NAA15: variants seen among roughly 807,000 people sequenced by gnomAD.
NAA15 encodes the protein N-terminal acetyltransferase.
In NAA15, 34 loss-of-function variants were observed where a neutral mutation model predicts 114.0. That is an observed-to-expected ratio of 0.30 (90% CI 0.23 to 0.40). The LOEUF (loss-of-function observed/expected upper bound fraction) is 0.40, where lower values mean the gene tolerates loss of function less well. Ranked by LOEUF, NAA15 falls within the 10% of genes least tolerant of loss-of-function variation. The pLI is 1.00. For synonymous variants in NAA15, 340 were observed against 338.0 expected (o/e 1.01, Z -0.06); for missense variants, 658 against 1,004.5 (o/e 0.66, Z 4.66).
chr4:139,301,698 A>C lies in NAA15; in HGVS notation c.-80A>C. 1 of 1,491,024 alleles carries C rather than the reference A, an allele frequency of 6.7e-7. No individual in the cohort carries two copies. The highest frequency in any genetic ancestry group is 9.1e-7 in the Non-Finnish European group (1 of 1,100,818). The allele number at this position is 1,491,024 out of a possible 1,614,324, so 92.4% of individuals were successfully genotyped here. ...CGAGATATTCAAGGCTGAAGCAGCT[A>C]CGGAACGGCAGCGGCGGCGGTCGGA... On this transcript the variant is annotated 5_prime_UTR_variant, in exon 1 of 20. Coordinates refer to ENST00000296543, the MANE Select transcript of NAA15 (RefSeq NM_057175.5).
intron 1 of NAA15, among the ~76,000 whole-genome samples, chr4:139,319,610 T>A (rs549122906): frequency 6.6e-6 from 1 of 151,850 alleles, no homozygotes; most frequent in African/African-American, 2.4e-5. Context: ...GAATTGTGTA[T>A]TTTTAGTAGA....
intron 11 of NAA15, 60 bp downstream of exon 11, chr4:139,357,615 C>T (rs1006338633): frequency 4.5e-6 from 5 of 1,121,392 alleles, no homozygotes; most frequent in Non-Finnish European, 5.1e-6. Context: ...AACTTTTTCT[C>T]TGTATTTTAT....
chr4:139,354,803 A>G (rs920185400), intron 10 of NAA15, among the ~76,000 whole-genome samples: 1 of 152,170 alleles, frequency 6.6e-6, no homozygotes, highest in Non-Finnish European at 1.5e-5. Context: ...CATTTTATCC[A>G]TGGATATTTC....
At chr4:139,318,424 A>T (rs1420915904) in intron 1 of NAA15, 1 of 152,192 alleles carries the variant, frequency 6.6e-6, no homozygotes, top group Non-Finnish European at 1.5e-5. Context: ...AATACAAAGA[A>T]GATTATTAGC....
intron 1 of NAA15, among the ~76,000 whole-genome samples, chr4:139,314,995 G>T (rs140196316): frequency 0.032 from 1,947 of 61,222 alleles, 118 homozygotes; most frequent in Middle Eastern, 0.037. Flanking sequence ...GTTCAGTTCA[G>T]TTCAGTTTAG....
Position 139,387,885 on chromosome 4 carries a change from C to T in NAA15, c.2402C>T (p.Thr801Ile), listed in dbSNP as rs1034838798. 6 of 1,612,350 alleles carry T rather than the reference C, an allele frequency of 3.7e-6. No individual in the cohort carries two copies. The highest frequency in any genetic ancestry group is 5.1e-6 in the Non-Finnish European group (6 of 1,179,340). ...ACATGACTTTTTTTCTTTCCTTAGA[C>T]ATGTATGGAGGTATTGGAAGCCTTG... ...DESLTNRNLQ[T>I]CMEVLEALYD... The change falls in exon 20 of 20, where the codon ACA (threonine) becomes ATA (isoleucine). Residue 801 changes from threonine (T) to isoleucine (I), a missense_variant and splice_region_variant. By Grantham distance (89) the Thr-to-Ile change is moderately conservative. This residue lies in a region of NAA15 where 275 missense variants were observed against 371.1 expected (regional missense o/e 0.74). Transcript: ENST00000296543.
rs1167763468 is a variant in NAA15, at chr4:139,391,305, T to A, written c.*3221T>A. ...ACGAAATGGCTGTGTTACACCATAG[T>A]GAGCAGAAACTTAAATTTTGTTCTA... On this transcript the variant is annotated 3_prime_UTR_variant, in exon 20 of 20. Coordinates refer to ENST00000296543, the MANE Select transcript of NAA15 (RefSeq NM_057175.5). The A allele has an allele frequency of 6.6e-6, 1 of 152,220 alleles. No homozygotes were observed. The highest frequency in any genetic ancestry group is 2.4e-5 in the African/African-American group (1 of 41,452). The allele number at this position is 152,220 out of a possible 1,614,324, so 9.4% of individuals were successfully genotyped here. A position where few individuals can be genotyped will look rare whatever the true frequency, so the allele number is the denominator to read the frequency against.
In NAA15 at chr4:139,370,254, A is replaced by C; in HGVS notation, c.1797A>C (p.Gln599His). 1 of 1,574,738 alleles carries C rather than the reference A, an allele frequency of 6.4e-7. No individual in the cohort carries two copies. Among genetic ancestry groups the C allele is most frequent in the South Asian group, 1.2e-5 (1 of 82,806 alleles). ...DKELKKLRNKQRRAQKKAQIE... is the reference protein window; with the variant it reads ...DKELKKLRNKHRRAQKKAQIE... ...AGCTAAAGAAGCTACGTAATAAACAAAGAAGAGCTCAAAAGAAAGCCCAGA... is the reference window on the plus strand; with the variant it reads ...AGCTAAAGAAGCTACGTAATAAACACAGAAGAGCTCAAAAGAAAGCCCAGA... Residue 599 changes from glutamine to histidine, a missense_variant, in exon 15 of 20, where the codon CAA becomes CAC. Coordinates refer to ENST00000296543, the MANE Select transcript of NAA15 (RefSeq NM_057175.5).
chr4:139,366,175 T>C (rs1280487512), intron 14 of NAA15, among the ~76,000 whole-genome samples: 1 of 152,172 alleles, frequency 6.6e-6, no homozygotes, highest in Non-Finnish European at 1.5e-5. Context: ...AACCCTTTTT[T>C]TGGGTCAGGA....
At position 139,341,036 on chromosome 4, in the gene NAA15, A is replaced by G. The variant is rs371985606; in HGVS notation, c.369A>G (p.Leu123=). The change falls in exon 4 of 20, where the codon CTA becomes CTG. Residue 123 remains leucine (L), a synonymous_variant. Coordinates refer to ENST00000296543, the MANE Select transcript of NAA15 (RefSeq NM_057175.5). ...NLQILRDLSL[L]QIQMRDLEGY... ...AAATCTTAAGGGACCTTTCCTTACT[A>G]CAGATTCAAATGCGAGATCTTGAGG... is the stretch of plus-strand genomic sequence containing the variant. 2.2e-4 allele frequency: 344 copies of G among 1,592,140 alleles called. No homozygotes were observed. The highest frequency in any genetic ancestry group is 2.7e-4 in the Non-Finnish European group (320 of 1,171,328).
intron 4 of NAA15, 77 bp downstream of exon 4, chr4:139,341,146 A>T (rs560955074): frequency 5.7e-6 from 6 of 1,045,540 alleles, no homozygotes; most frequent in Middle Eastern, 3.5e-4. Context: ...AGATACATAA[A>T]TTTTTTATTT....
intron 1 of NAA15, among the ~76,000 whole-genome samples, chr4:139,307,910 AG>A (rs1203730222): frequency 2.6e-5 from 4 of 152,130 alleles, no homozygotes; most frequent in South Asian, 4.1e-4. Context: ...TAGGCAAAGG[AG>A]TAGTAATACT....
At chr4:139,375,560 G>T (rs1246154609) in intron 15 of NAA15, among the ~76,000 whole-genome samples, 1 of 152,014 alleles carries the variant, frequency 6.6e-6, no homozygotes, top group African/African-American at 2.4e-5. Context: ...TTGACCAGAT[G>T]TGGCAAATTC....
intron 1 of NAA15, 62 bp downstream of exon 1, chr4:139,301,893 C>G (rs965089349): frequency 2.2e-5 from 34 of 1,521,924 alleles, no homozygotes; most frequent in Non-Finnish European, 2.9e-5. Flanking sequence ...GCCTGTCACC[C>G]CTAACCTCGG....
rs750900608 is a variant in NAA15 at position 139,314,738 on chromosome 4, C to T, written c.54+12907C>T. Among the ~76,000 whole-genome samples the T allele has an allele frequency of 7.9e-5, 12 of 151,888 alleles. 1 individual carries two copies. Among genetic ancestry groups the T allele is most frequent in the Non-Finnish European group, 1.6e-4 (11 of 67,996 alleles). On this transcript the variant is annotated intron_variant, in intron 1 of 19. Transcript: ENST00000296543. ...CTGTTACCAGGCTGGAGTGCAGTCGCATGATCTTGGCTTACCTCAACCTCT... is the reference window on the plus strand; with the variant it reads ...CTGTTACCAGGCTGGAGTGCAGTCGTATGATCTTGGCTTACCTCAACCTCT...
intron 5 of NAA15, among the ~76,000 whole-genome samples, chr4:139,343,455 T>C (rs1338265214): frequency 1.3e-5 from 2 of 152,240 alleles, no homozygotes; most frequent in African/African-American, 4.8e-5. Context: ...ACCTTACATT[T>C]AGTTATCATT....
chr4:139,380,390 CA>C (rs1375558945), intron 17 of NAA15, among the ~76,000 whole-genome samples: 2 of 151,932 alleles, frequency 1.3e-5, no homozygotes, highest in African/African-American at 4.8e-5. Context: ...TCAAAAATAA[CA>C]TACACACTGT....
chr4:139,359,314 G>C (rs1342886390), intron 11 of NAA15, among the ~76,000 whole-genome samples: 1 of 151,868 alleles, frequency 6.6e-6, no homozygotes, highest in African/African-American at 2.4e-5. Flanking sequence ...TTTTAGTAGA[G>C]ATGGGGTTTC....
intron 2 of NAA15, among the ~76,000 whole-genome samples, chr4:139,336,143 CTA>C (rs1201998601): frequency 6.6e-6 from 1 of 152,128 alleles, no homozygotes; most frequent in African/African-American, 2.4e-5. Flanking sequence ...TAATTTCTCT[CTA>C]AAGTCTAAAT....
Sources: gnomAD v4.1 joint callset for allele counts (sites outside exome capture counted in the v4.1 genomes callset) on GRCh38, gnomAD v4.1.1 for gene constraint, gnomAD v4.1.1 regional missense constraint, MANE v1.5 for transcripts, NCBI Gene and HGNC (gene_info 2026-07-23, HGNC 2026-07-21) for gene names.